The following ZNF521 variants were observed in gnomAD, a reference collection of about 807,000 sequenced individuals.
ZNF521 encodes LYST-interacting protein 3.
ZNF521 carries 14 observed loss-of-function variants against 105.5 expected under a neutral mutation model. The ratio of observed to expected loss-of-function variants is 0.13; its 90% CI spans 0.09 to 0.21. The LOEUF is 0.21. ZNF521 is among the 10% of genes least tolerant of loss of function. The pLI, the probability that ZNF521 is intolerant of heterozygous loss-of-function variation, is 1.00. For synonymous variants in ZNF521, 635 were observed against 606.0 expected (o/e 1.05, Z -0.70); for missense variants, 1,233 against 1,629.7 (o/e 0.76, Z 4.19).
intron 3 of ZNF521, among the ~76,000 whole-genome samples, chr18:25,277,202 A>G (rs1910090470): frequency 6.6e-6 from 1 of 151,722 alleles, no homozygotes; most frequent in African/African-American, 2.4e-5. Context: ...AAAAAAGTGT[A>G]TCTATTACAT....
chr18:25,193,562 G>A (rs1380850558), intron 5 of ZNF521, among the ~76,000 whole-genome samples: 7 of 151,814 alleles, frequency 4.6e-5, no homozygotes, highest in African/African-American at 9.7e-5. Flanking sequence ...ATAAAGAGAC[G>A]GGAAATATTA....
intron 5 of ZNF521, among the ~76,000 whole-genome samples, chr18:25,146,248 T>C (rs1034422835): frequency 6.6e-6 from 1 of 152,240 alleles, no homozygotes; most frequent in Non-Finnish European, 1.5e-5. Flanking sequence ...TAATGAACAA[T>C]AAGCAATTCC....
intron 5 of ZNF521, among the ~76,000 whole-genome samples, chr18:25,157,298 A>C (rs1446641177): frequency 6.6e-6 from 1 of 152,224 alleles, no homozygotes; most frequent in African/African-American, 2.4e-5. Flanking sequence ...TGGAGGGTTT[A>C]AAATGTAAAA....
intron 4 of ZNF521, among the ~76,000 whole-genome samples, chr18:25,205,524 T>G (rs2036064859): frequency 6.6e-6 from 1 of 152,176 alleles, no homozygotes; most frequent in Non-Finnish European, 1.5e-5. Context: ...TCTGTTTCAC[T>G]GTTACCAAAA....
chr18:25,245,307 A>G (rs1907627354), intron 3 of ZNF521, among the ~76,000 whole-genome samples: 1 of 152,334 alleles, frequency 6.6e-6, no homozygotes, highest in South Asian at 2.1e-4. Flanking sequence ...AATTGAGCAG[A>G]AAGTACAGGG....
At chr18:25,107,286 T>C (rs1052078510) in intron 5 of ZNF521, among the ~76,000 whole-genome samples, 5 of 152,234 alleles carry the variant, frequency 3.3e-5, no homozygotes, top group African/African-American at 1.2e-4. Context: ...GAGTTATTCT[T>C]GTTATTAAGA....
chr18:25,270,015 C>CA (rs1909541809), intron 3 of ZNF521, among the ~76,000 whole-genome samples: 1 of 151,438 alleles, frequency 6.6e-6, no homozygotes, highest in Non-Finnish European at 1.5e-5. Context: ...AAAAGATCAA[C>CA]AAAAAAAGAT....
At chr18:25,300,952 C>T (rs1911610740) in intron 3 of ZNF521, among the ~76,000 whole-genome samples, 1 of 152,108 alleles carries the variant, frequency 6.6e-6, no homozygotes, top group African/African-American at 2.4e-5. Flanking sequence ...ATCATCATTG[C>T]CTATGACTTA....
intron 5 of ZNF521, among the ~76,000 whole-genome samples, chr18:25,120,457 G>A (rs1314985527): frequency 3.3e-5 from 5 of 151,986 alleles, no homozygotes; most frequent in African/African-American, 1.2e-4. Flanking sequence ...GGTGGCATGC[G>A]CCTGTAGTCC....
chr18:25,209,612 TTAGAGGG>T lies in ZNF521; in HGVS notation c.3574-14375_3574-14369del, dbSNP rs535490580. Among the ~76,000 whole-genome samples, 195 of 152,304 alleles carry T rather than the reference TTAGAGGG, an allele frequency of 1.3e-3. 1 individual carries two copies. Among genetic ancestry groups the T allele is most frequent in the African/African-American group, 4.4e-3 (181 of 41,560 alleles). ...CAAGCTACTCATTTGTTTCCTAGGATTAGAGGGTAGAAATCCTGATTTTGGTATTCAC... is the reference window on the plus strand; with the variant it reads ...CAAGCTACTCATTTGTTTCCTAGGATTAGAAATCCTGATTTTGGTATTCAC... On this transcript the variant is annotated intron_variant, in intron 4 of 7. Coordinates refer to ENST00000361524, the MANE Select transcript of ZNF521 (RefSeq NM_015461.3).
intron 2 of ZNF521, among the ~76,000 whole-genome samples, chr18:25,324,801 G>T (rs1406500678): frequency 6.6e-6 from 1 of 152,142 alleles, no homozygotes; most frequent in Non-Finnish European, 1.5e-5. Context: ...CACTTTCCAT[G>T]AATCCAATAT....
intron 3 of ZNF521, among the ~76,000 whole-genome samples, chr18:25,234,186 C>T (rs575846668): frequency 1.3e-5 from 2 of 152,306 alleles, no homozygotes; most frequent in South Asian, 4.2e-4. Flanking sequence ...TAAGCACCCA[C>T]CTCTTGGCGT....
intron 3 of ZNF521, among the ~76,000 whole-genome samples, chr18:25,316,323 TAA>T (rs377173156): frequency 0.088 from 7,889 of 90,158 alleles, 343 homozygotes; most frequent in Non-Finnish European, 0.12. Context: ...AAAACGAATT[TAA>T]AAAAAAAAAA....
intron 5 of ZNF521, among the ~76,000 whole-genome samples, chr18:25,161,096 T>C (rs748808956): frequency 1.5e-4 from 23 of 152,070 alleles, no homozygotes; most frequent in Non-Finnish European, 2.9e-4. Context: ...CATGGCAATA[T>C]GCAATATACT....
intron 5 of ZNF521, among the ~76,000 whole-genome samples, chr18:25,110,380 T>G (rs937444051): frequency 4.6e-5 from 7 of 151,850 alleles, no homozygotes; most frequent in Middle Eastern, 3.4e-3. Flanking sequence ...ATCCCAAAAG[T>G]GTGGGGTTTT....
chr18:25,342,435 T>G (rs7227075), intron 2 of ZNF521, among the ~76,000 whole-genome samples: 2,694 of 140,870 alleles, frequency 0.019, 67 homozygotes, highest in African/African-American at 0.052. Flanking sequence ...TTGTTTGTTT[T>G]TTTTGAGACA....
intron 3 of ZNF521, among the ~76,000 whole-genome samples, chr18:25,258,800 T>C (rs1908696954): frequency 6.6e-6 from 1 of 151,686 alleles, no homozygotes; most frequent in Admixed American, 6.6e-5. Flanking sequence ...AGACCACTTA[T>C]ATGGGTTTCC....
At position 25,224,433 on chromosome 18, in the gene ZNF521, C is replaced by A; in HGVS notation, c.3485G>T (p.Arg1162Leu). 6.2e-7 allele frequency: 1 copy of A among 1,613,996 alleles called. No individual in the cohort carries two copies. The highest frequency in any genetic ancestry group is 1.1e-5 in the South Asian group (1 of 91,058). ...ELQNHIQTIHRELVPDSNSTQ... is the reference protein window; with the variant it reads ...ELQNHIQTIHLELVPDSNSTQ... Reference sequence around the variant, plus strand: ...GCTGTTGCTGTCTGGCACGAGCTCTCGGTGGATGGTTTGGATGTGGTTCTG... The same window carrying A: ...GCTGTTGCTGTCTGGCACGAGCTCTAGGTGGATGGTTTGGATGTGGTTCTG... The change falls in exon 4 of 8, where the codon CGA becomes CTA. Residue 1162 changes from arginine to leucine, a missense_variant. Coordinates refer to ENST00000361524, the MANE Select transcript of ZNF521 (RefSeq NM_015461.3).
chr18:25,330,113 G>C (rs1464126863), intron 2 of ZNF521, among the ~76,000 whole-genome samples: 1 of 152,062 alleles, frequency 6.6e-6, no homozygotes, highest in East Asian at 1.9e-4. Flanking sequence ...TGACAAAGAA[G>C]TGCCAAAGCT....
Sources: gnomAD v4.1 joint callset for allele counts (sites outside exome capture counted in the v4.1 genomes callset) on GRCh38, gnomAD v4.1.1 for gene constraint, MANE v1.5 for transcripts, NCBI Gene and HGNC (gene_info 2026-07-23, HGNC 2026-07-21) for gene names.